The following CNTNAP2 variants were observed in gnomAD, a reference collection of about 807,000 sequenced individuals.
CNTNAP2 encodes contactin-associated protein-like 2.
Under a neutral mutation model 155.2 loss-of-function variants are expected in CNTNAP2, and 98 were observed. The observed-to-expected ratio is 0.63, with a 90% CI of 0.54 to 0.75. The LOEUF is 0.75. CNTNAP2 is among the 30% of genes least tolerant of loss of function. The pLI is 0.00. For missense variants in CNTNAP2, 1,727 were observed against 1,688.1 expected (o/e 1.02, Z -0.40); for synonymous variants, 651 against 631.2 (o/e 1.03, Z -0.47).
chr7:146,216,525 A>G (rs909421408), intron 1 of CNTNAP2, among the ~76,000 whole-genome samples: 2 of 152,118 alleles, frequency 1.3e-5, no homozygotes, highest in Non-Finnish European at 2.9e-5. Flanking sequence ...TTTCAGAAGC[A>G]ACTGCCGATC....
At chr7:148,395,122 C>A (rs183138897) in intron 22 of CNTNAP2, among the ~76,000 whole-genome samples, 41 of 145,188 alleles carry the variant, frequency 2.8e-4, no homozygotes, top group Admixed American at 1.3e-3. Flanking sequence ...TCTGTTGACC[C>A]CCCCCCCTTA....
chr7:146,617,036 T>C (rs1799237951), intron 1 of CNTNAP2, among the ~76,000 whole-genome samples: 1 of 152,166 alleles, frequency 6.6e-6, no homozygotes, highest in African/African-American at 2.4e-5. Context: ...TTTGTTTGTT[T>C]TGAGACGGAG....
At chr7:148,230,343 G>T (rs769201294) in intron 20 of CNTNAP2, among the ~76,000 whole-genome samples, 2 of 152,118 alleles carry the variant, frequency 1.3e-5, no homozygotes, top group African/African-American at 2.4e-5. Context: ...GTTCATTGAC[G>T]ACCCCGGCCC....
intron 1 of CNTNAP2, among the ~76,000 whole-genome samples, chr7:146,690,348 C>T (rs1800676624): frequency 6.6e-6 from 1 of 152,104 alleles, no homozygotes; most frequent in Non-Finnish European, 1.5e-5. Flanking sequence ...GGTCACTGCA[C>T]ATGTATAATT....
intron 1 of CNTNAP2, among the ~76,000 whole-genome samples, chr7:146,375,809 C>G (rs1795296452): frequency 6.6e-6 from 1 of 152,188 alleles, no homozygotes; most frequent in Non-Finnish European, 1.5e-5. Flanking sequence ...TAAGCAAGGT[C>G]TCCTGATGAG....
chr7:147,366,779 A>ATG (rs1389803951), intron 9 of CNTNAP2, among the ~76,000 whole-genome samples: 17 of 49,234 alleles, frequency 3.5e-4, no homozygotes, highest in Admixed American at 2.6e-3. Flanking sequence ...AATTTGTTGC[A>ATG]CGCACACACA....
intron 1 of CNTNAP2, among the ~76,000 whole-genome samples, chr7:146,748,396 T>C (rs931008360): frequency 8.6e-5 from 13 of 151,962 alleles, no homozygotes; most frequent in African/African-American, 1.2e-4. Context: ...CCGCCCTCCT[T>C]GGCCTCCCAA....
At chr7:148,196,849 A>G (rs1795285939) in intron 18 of CNTNAP2, among the ~76,000 whole-genome samples, 1 of 152,180 alleles carries the variant, frequency 6.6e-6, no homozygotes, top group Non-Finnish European at 1.5e-5. Flanking sequence ...CAATATTCAA[A>G]GAGGCACATT....
intron 15 of CNTNAP2, among the ~76,000 whole-genome samples, chr7:147,980,985 T>C (rs1164019242): frequency 6.8e-6 from 1 of 147,548 alleles, no homozygotes; most frequent in Non-Finnish European, 1.5e-5. Context: ...ACAGTAGTGA[T>C]AGAGTGTTCC....
chr7:147,923,286 T>C (rs1425129137), intron 14 of CNTNAP2, among the ~76,000 whole-genome samples: 11 of 152,148 alleles, frequency 7.2e-5, no homozygotes, highest in Admixed American at 7.2e-4. Flanking sequence ...TAATTCATTA[T>C]TACTGTTATC....
intron 7 of CNTNAP2, among the ~76,000 whole-genome samples, chr7:147,130,424 C>T (rs764719643): frequency 2.0e-5 from 3 of 151,944 alleles, no homozygotes; most frequent in Non-Finnish European, 4.4e-5. Context: ...TGCATTCCAG[C>T]CTGGGCAACA....
chr7:146,612,925 ATCTG>A (rs1388874298), intron 1 of CNTNAP2, among the ~76,000 whole-genome samples: 1 of 99,344 alleles, frequency 1.0e-5, no homozygotes, highest in Admixed American at 1.0e-4. Context: ...TAGCTCTAAC[ATCTG>A]TCTTTTTTTT....
At chr7:147,039,314 G>C (rs994762700) in intron 3 of CNTNAP2, among the ~76,000 whole-genome samples, 12 of 152,106 alleles carry the variant, frequency 7.9e-5, no homozygotes, top group South Asian at 2.1e-4. Context: ...CATCACCCAG[G>C]TATTAAGCCC....
At chr7:146,238,629 C>T (rs943202478) in intron 1 of CNTNAP2, among the ~76,000 whole-genome samples, 3 of 152,094 alleles carry the variant, frequency 2.0e-5, no homozygotes, top group African/African-American at 4.8e-5. Flanking sequence ...GAATGCAATT[C>T]GAGCATAAGA....
intron 1 of CNTNAP2, among the ~76,000 whole-genome samples, chr7:146,261,461 G>T (rs1799918092): frequency 6.6e-6 from 1 of 151,352 alleles, no homozygotes; most frequent in African/African-American, 2.4e-5. Context: ...AAATAATATA[G>T]AATTTATAGT....
intron 1 of CNTNAP2, among the ~76,000 whole-genome samples, chr7:146,297,861 G>A (rs1250490872): frequency 2.6e-5 from 4 of 152,054 alleles, no homozygotes; most frequent in Middle Eastern, 3.2e-3. Flanking sequence ...CTCTCTAAAC[G>A]TGTTAATGTG....
intron 3 of CNTNAP2, among the ~76,000 whole-genome samples, chr7:146,859,575 T>C (rs1184683898): frequency 6.6e-6 from 1 of 151,892 alleles, no homozygotes; most frequent in Non-Finnish European, 1.5e-5. Context: ...GAGAATCGCT[T>C]GAACGCAGGA....
chr7:146,318,237 C>T (rs571667632), intron 1 of CNTNAP2, among the ~76,000 whole-genome samples: 1 of 151,446 alleles, frequency 6.6e-6, no homozygotes, highest in Non-Finnish European at 1.5e-5. Flanking sequence ...CAAAATGGAT[C>T]AGAGTTTTAC....
chr7:148,386,504 T>C, intron 22 of CNTNAP2, among the ~76,000 whole-genome samples: 1 of 151,290 alleles, frequency 6.6e-6, no homozygotes, highest in East Asian at 1.9e-4. Context: ...AGACTCTGTC[T>C]CAAAACAAAA....
Sources: gnomAD v4.1 joint callset for allele counts (sites outside exome capture counted in the v4.1 genomes callset) on GRCh38, gnomAD v4.1.1 for gene constraint, MANE v1.5 for transcripts, NCBI Gene and HGNC (gene_info 2026-07-23, HGNC 2026-07-21) for gene names.